CAPZB: variants seen among roughly 807,000 people sequenced by gnomAD.
CAPZB encodes the protein capping actin protein of muscle Z-line subunit beta.
CAPZB carries 2 observed loss-of-function variants against 38.1 expected under a neutral mutation model. That is an observed-to-expected ratio of 0.05 (90% CI 0.02 to 0.17). The LOEUF (loss-of-function observed/expected upper bound fraction) is 0.17. Among genes scored for constraint, CAPZB ranks in the 10% least tolerant of loss-of-function variants. The pLI, the probability that CAPZB is intolerant of heterozygous loss-of-function variation, is 1.00. For missense variants in CAPZB, 161 were observed against 334.2 expected (o/e 0.48, Z 4.04); for synonymous variants, 107 against 127.4 (o/e 0.84, Z 1.08).
intron 4 of CAPZB, among the ~76,000 whole-genome samples, chr1:19,360,767 C>A (rs1161445217): frequency 6.6e-6 from 1 of 152,238 alleles, no homozygotes; most frequent in African/African-American, 2.4e-5. Context: ...CCACTACGGG[C>A]AGCTTCTCCT....
At chr1:19,447,892 G>A (rs1256223466) in intron 1 of CAPZB, among the ~76,000 whole-genome samples, 1 of 152,204 alleles carries the variant, frequency 6.6e-6, no homozygotes, top group Non-Finnish European at 1.5e-5. Context: ...GTTCATTTTA[G>A]GTTTAAGAAT....
intron 1 of CAPZB, chr1:19,484,321 C>G (rs1321399983): frequency 1.3e-6 from 2 of 1,593,522 alleles, no homozygotes; most frequent in African/African-American, 2.7e-5. Flanking sequence ...TGGTGGCCCC[C>G]CAAGGCCACG....
intron 2 of CAPZB, among the ~76,000 whole-genome samples, chr1:19,408,205 G>C (rs1328780931): frequency 6.6e-6 from 1 of 152,254 alleles, no homozygotes; most frequent in African/African-American, 2.4e-5. Context: ...CAGGGCATCA[G>C]GGCACAGCCT....
In CAPZB at chr1:19,382,088, A is replaced by C. The variant is rs181106556; in HGVS notation, c.215+3417T>G. ...GCCATCGCCTTCCTGTAGGCTGGGA[A>C]GACCCGACCCAAGTGGCGTTCATTT... On this transcript the variant is annotated intron_variant, in intron 3 of 8. Transcript: ENST00000264202. Among the ~76,000 whole-genome samples, 278 of 152,244 alleles carry C rather than the reference A, an allele frequency of 1.8e-3. 1 individual carries two copies. Among genetic ancestry groups the C allele is most frequent in the African/African-American group, 6.3e-3 (260 of 41,542 alleles).
intron 2 of CAPZB, among the ~76,000 whole-genome samples, chr1:19,412,987 T>G (rs182353621): frequency 6.6e-6 from 1 of 152,380 alleles, no homozygotes; most frequent in East Asian, 1.9e-4. Flanking sequence ...GCTTTTCATC[T>G]GGTTCTCCAC....
At chr1:19,386,430 G>A (rs1295758405) in intron 2 of CAPZB, among the ~76,000 whole-genome samples, 5 of 152,208 alleles carry the variant, frequency 3.3e-5, no homozygotes, top group South Asian at 2.1e-4. Flanking sequence ...TCACTTCCAC[G>A]CTATATTTTC....
chr1:19,345,055 C>T lies in CAPZB; in HGVS notation c.654+132G>A. The T allele has an allele frequency of 5.4e-6, 4 of 738,536 alleles. No individual in the cohort carries two copies. In the South Asian group the frequency reaches 6.4e-5, roughly 12 times the overall value. The allele number at this position is 738,536 out of a possible 1,614,324, so 45.7% of individuals were successfully genotyped here. A position where few individuals can be genotyped will look rare whatever the true frequency, so the allele number is the denominator to read the frequency against. On this transcript the variant is annotated intron_variant, in intron 7 of 8. Coordinates refer to ENST00000264202, the MANE Select transcript of CAPZB (RefSeq NM_004930.5). ...AAAAATATGAGGCCAGGGCAAAATC[C>T]AAGAAGCGCTCTGCCGGCTGCGGTG...
chr1:19,453,277 T>C (rs534746020), intron 1 of CAPZB, among the ~76,000 whole-genome samples: 2 of 152,258 alleles, frequency 1.3e-5, no homozygotes, highest in Admixed American at 1.3e-4. Context: ...GTTTTGTTTT[T>C]TTGAGTTGGG....
At chr1:19,371,411 G>A (rs947634064) in intron 4 of CAPZB, among the ~76,000 whole-genome samples, 1 of 152,244 alleles carries the variant, frequency 6.6e-6, no homozygotes, top group African/African-American at 2.4e-5. Flanking sequence ...GTGCTGGCTG[G>A]ACGCAAGGCG....
At chr1:19,453,776 T>C (rs2094524287) in intron 1 of CAPZB, among the ~76,000 whole-genome samples, 1 of 152,222 alleles carries the variant, frequency 6.6e-6, no homozygotes, top group Non-Finnish European at 1.5e-5. Flanking sequence ...TCACCATCCC[T>C]GTGAATATTT....
intron 3 of CAPZB, 40 bp downstream of exon 3, chr1:19,385,465 T>A (rs1403595100): frequency 6.2e-7 from 1 of 1,610,276 alleles, no homozygotes. Flanking sequence ...AGCCCGCGTG[T>A]GCCTGCTGTG....
At chr1:19,473,158 C>G (rs973543806) in intron 1 of CAPZB, among the ~76,000 whole-genome samples, 14 of 152,158 alleles carry the variant, frequency 9.2e-5, no homozygotes, top group African/African-American at 3.4e-4. Context: ...AAAGCACTTT[C>G]CCCTGTACAT....
At chr1:19,378,475 T>C (rs1361036515) in intron 4 of CAPZB, 65 bp downstream of exon 4, 3 of 898,916 alleles carry the variant, frequency 3.3e-6, no homozygotes, top group Non-Finnish European at 5.7e-6. Flanking sequence ...GATAGAACAC[T>C]GCCACTTAGG....
In CAPZB at chr1:19,411,629, T is replaced by C. The variant is rs572463409; in HGVS notation, c.93+8032A>G. Among the ~76,000 whole-genome samples, 7 of 152,306 alleles carry C rather than the reference T, an allele frequency of 4.6e-5. No individual in the cohort carries two copies. In the South Asian group the frequency reaches 1.2e-3, roughly 27 times the overall value. ...CTCTCTTTCATTCATTCCACCGTAA[T>C]TGTCTGGATTGCCTTTACAGAAGGC... On this transcript the variant is annotated intron_variant, in intron 2 of 8. Coordinates refer to ENST00000264202, the MANE Select transcript of CAPZB (RefSeq NM_004930.5).
At chr1:19,372,657 G>C (rs1473227249) in intron 4 of CAPZB, among the ~76,000 whole-genome samples, 1 of 152,204 alleles carries the variant, frequency 6.6e-6, no homozygotes, top group Non-Finnish European at 1.5e-5. Flanking sequence ...ATGAGGTTTT[G>C]TGACTGATGA....
intron 1 of CAPZB, among the ~76,000 whole-genome samples, chr1:19,463,804 G>C (rs2094560096): frequency 6.6e-6 from 1 of 152,230 alleles, no homozygotes; most frequent in Non-Finnish European, 1.5e-5. Context: ...ACAGGGTGGA[G>C]AAACGTGGAT....
At chr1:19,434,834 G>C (rs12726973) in intron 1 of CAPZB, among the ~76,000 whole-genome samples, 32,183 of 151,910 alleles carry the variant, frequency 0.21, 4,494 homozygotes, top group African/African-American at 0.39. Flanking sequence ...TGGGAGGACA[G>C]ATTGAGCCTG....
At chr1:19,454,335 G>T (rs1203318009) in intron 1 of CAPZB, among the ~76,000 whole-genome samples, 1 of 152,186 alleles carries the variant, frequency 6.6e-6, no homozygotes, top group Non-Finnish European at 1.5e-5. Flanking sequence ...ACCCCAAAGA[G>T]CAAGTTTGTC....
chr1:19,466,901 G>GTT (rs201393471), intron 1 of CAPZB, among the ~76,000 whole-genome samples: 7 of 151,514 alleles, frequency 4.6e-5, no homozygotes, highest in African/African-American at 1.7e-4. Flanking sequence ...TCAGGCCAAA[G>GTT]TTTTTTGTTT....
Sources: gnomAD v4.1 joint callset for allele counts (sites outside exome capture counted in the v4.1 genomes callset) on GRCh38, gnomAD v4.1.1 for gene constraint, MANE v1.5 for transcripts, NCBI Gene and HGNC (gene_info 2026-07-23, HGNC 2026-07-21) for gene names.